Variants in PHF21B observed in about 807,000 individuals in gnomAD.
PHF21B encodes the protein PHD finger protein 4.
Under a neutral mutation model 62.2 loss-of-function variants are expected in PHF21B, and 22 were observed. The observed-to-expected ratio is 0.35, with a 90% CI of 0.25 to 0.51. The LOEUF is 0.51. Among genes scored for constraint, PHF21B ranks in the 20% least tolerant of loss-of-function variants. The pLI, the probability that PHF21B is intolerant of heterozygous loss-of-function variation, is 0.97. For missense variants in PHF21B, 701 were observed against 707.9 expected, an observed-to-expected ratio of 0.99 and a Z score of 0.11; for synonymous variants, 341 against 314.7, an observed-to-expected ratio of 1.08 and a Z score of -0.88.
intron 2 of PHF21B, among the ~76,000 whole-genome samples, chr22:44,999,317 A>G (rs556282249): frequency 1.8e-4 from 27 of 152,132 alleles, no homozygotes; most frequent in Non-Finnish European, 3.8e-4. Flanking sequence ...TAAAAAGGAG[A>G]GCAGAACGCA....
chr22:44,930,098 G>A (rs2071710876), intron 2 of PHF21B, among the ~76,000 whole-genome samples: 1 of 152,226 alleles, frequency 6.6e-6, no homozygotes, highest in Non-Finnish European at 1.5e-5. Flanking sequence ...ACACCCCTCG[G>A]GGTGAACAAC....
At chr22:44,916,160 T>C (rs1416067211) in intron 4 of PHF21B, 120 bp downstream of exon 4, 3 of 937,258 alleles carry the variant, frequency 3.2e-6, no homozygotes. Flanking sequence ...CACTTGATCA[T>C]TCTGCCTCCT....
At chr22:44,887,889 C>T in intron 10 of PHF21B, 74 bp downstream of exon 10, 1 of 1,337,558 alleles carries the variant, frequency 7.5e-7, no homozygotes, top group African/African-American at 1.5e-5. Context: ...TTCACCCCTC[C>T]TCTGCCCTGT....
At chr22:44,943,188 C>T (rs985159505) in intron 2 of PHF21B, among the ~76,000 whole-genome samples, 4 of 152,142 alleles carry the variant, frequency 2.6e-5, no homozygotes, top group Non-Finnish European at 5.9e-5. Context: ...AGCACCCGCT[C>T]CCCCAAGCCT....
At chr22:44,933,820 C>T (rs1238252687) in intron 2 of PHF21B, among the ~76,000 whole-genome samples, 1 of 152,126 alleles carries the variant, frequency 6.6e-6, no homozygotes, top group Non-Finnish European at 1.5e-5. Context: ...TGTGTGTACC[C>T]TGCACCGCGA....
At chr22:44,909,377 G>C (rs961859011) in intron 5 of PHF21B, among the ~76,000 whole-genome samples, 1 of 152,184 alleles carries the variant, frequency 6.6e-6, no homozygotes, top group Non-Finnish European at 1.5e-5. Context: ...GCTGCCAGCC[G>C]AGCCAGGGCC....
Position 44,993,275 on chromosome 22 carries a change from G to A in PHF21B, c.120+15270C>T, listed in dbSNP as rs376521253. Among the ~76,000 whole-genome samples the A allele has an allele frequency of 3.9e-5, 6 of 152,302 alleles. No individual in the cohort carries two copies. In the East Asian group the frequency reaches 5.8e-4, roughly 15 times the overall value. On this transcript the variant is annotated intron_variant, in intron 2 of 12. Coordinates refer to ENST00000313237, the MANE Select transcript of PHF21B (RefSeq NM_138415.5). ...CCAGACCAAGCTGGTTCACACTCCA[G>A]CTTCAGATATAAGCCCTCAGGTGAG...
At position 45,003,950 on chromosome 22, in the gene PHF21B, CTATA is replaced by C. The variant is rs533260050; in HGVS notation, c.120+4591_120+4594del. ...ATACTATATACATAGCATAATCATA[CTATA>C]TAGTCATTTTATACACACACACACA... On this transcript the variant is annotated intron_variant, in intron 2 of 12. Coordinates refer to ENST00000313237, the MANE Select transcript of PHF21B (RefSeq NM_138415.5). 1.6e-3 allele frequency among the ~76,000 whole-genome samples: 247 copies of C among 152,158 alleles called. 1 individual carries two copies. Among genetic ancestry groups the C allele is most frequent in the African/African-American group, 5.5e-3 (230 of 41,508 alleles).
At chr22:44,986,690 A>G (rs2072955916) in intron 2 of PHF21B, among the ~76,000 whole-genome samples, 1 of 152,202 alleles carries the variant, frequency 6.6e-6, no homozygotes, top group South Asian at 2.1e-4. Context: ...GTCCACTGCA[A>G]CAGTCTTGAA....
chr22:44,943,000 C>A (rs1005722162), intron 2 of PHF21B, among the ~76,000 whole-genome samples: 3 of 147,300 alleles, frequency 2.0e-5, no homozygotes, highest in East Asian at 4.0e-4. Flanking sequence ...GAGGGACCCC[C>A]CCCCCCCCAT....
chr22:44,926,334 G>T (rs192385232), intron 2 of PHF21B, among the ~76,000 whole-genome samples: 1 of 152,268 alleles, frequency 6.6e-6, no homozygotes, highest in African/African-American at 2.4e-5. Flanking sequence ...GGGGCAGGCC[G>T]TGGGGCCCCG....
In PHF21B at chr22:44,926,846, G is replaced by T. The variant is rs185351406; in HGVS notation, c.121-6356C>A. ...GTATCCGGGTGTTGCCATGTGGGCC[G>T]GGAGTGACCGTGTATCTGTGTCTGG... On this transcript the variant is annotated intron_variant, in intron 2 of 12. Coordinates refer to ENST00000313237, the MANE Select transcript of PHF21B (RefSeq NM_138415.5). Among the ~76,000 whole-genome samples the T allele has an allele frequency of 1.7e-3, 266 of 152,252 alleles. 3 individuals are homozygous for T. The highest frequency in any genetic ancestry group is 0.011 in the South Asian group (52 of 4,814).
At chr22:45,008,963 G>T in intron 1 of PHF21B, 1 of 1,078,702 alleles carries the variant, frequency 9.3e-7, no homozygotes, top group Non-Finnish European at 1.1e-6. Context: ...AAGTAAACAC[G>T]GCGAGTCCGT....
chr22:44,963,239 C>A (rs186682119), intron 2 of PHF21B, among the ~76,000 whole-genome samples: 1 of 152,198 alleles, frequency 6.6e-6, no homozygotes, highest in African/African-American at 2.4e-5. Flanking sequence ...GCAGCAGCCC[C>A]GAGGGCAAGA....
chr22:44,896,203 GCCT>G, intron 5 of PHF21B, 120 bp from the exon 6 acceptor site: 1 of 1,022,176 alleles, frequency 9.8e-7, no homozygotes, highest in Non-Finnish European at 1.5e-6. Context: ...AACCACAGAG[GCCT>G]CCAACTCCAG....
At chr22:44,938,461 G>A (rs2071892143) in intron 2 of PHF21B, among the ~76,000 whole-genome samples, 1 of 152,222 alleles carries the variant, frequency 6.6e-6, no homozygotes, top group Non-Finnish European at 1.5e-5. Context: ...ATCAACTCCT[G>A]ATCTCAAGTG....
intron 2 of PHF21B, among the ~76,000 whole-genome samples, chr22:44,946,740 G>T (rs2072082324): frequency 6.6e-6 from 1 of 152,102 alleles, no homozygotes; most frequent in Non-Finnish European, 1.5e-5. Flanking sequence ...GATTCCAGGG[G>T]CTGAAAATAT....
At chr22:44,926,077 G>A (rs1004984508) in intron 2 of PHF21B, among the ~76,000 whole-genome samples, 1 of 143,610 alleles carries the variant, frequency 7.0e-6, no homozygotes, top group Non-Finnish European at 1.6e-5. Flanking sequence ...TTCCGGGGAA[G>A]TGGGTTCTGT....
At chr22:44,976,301 A>C (rs2072737531) in intron 2 of PHF21B, among the ~76,000 whole-genome samples, 1 of 152,222 alleles carries the variant, frequency 6.6e-6, no homozygotes. Flanking sequence ...TCATACATTT[A>C]TTATTTCTTT....
Sources: gnomAD v4.1 joint callset for allele counts (sites outside exome capture counted in the v4.1 genomes callset) on GRCh38, gnomAD v4.1.1 for gene constraint, MANE v1.5 for transcripts, NCBI Gene and HGNC (gene_info 2026-07-23, HGNC 2026-07-21) for gene names.